Variants in VEPH1 observed in about 807,000 individuals in gnomAD.
VEPH1 encodes the protein ventricular zone expressed PH domain containing 1.
In VEPH1, 80 loss-of-function variants were observed where a neutral mutation model predicts 85.2. The ratio of observed to expected loss-of-function variants is 0.94; its 90% CI spans 0.78 to 1.13. The LOEUF (loss-of-function observed/expected upper bound fraction) is 1.13. Ranked by LOEUF, VEPH1 falls within the 50% of genes most tolerant of loss-of-function variation. The pLI is 0.00. For missense variants in VEPH1, 955 were observed against 980.5 expected (o/e 0.97, Z 0.35); for synonymous variants, 297 against 348.0 (o/e 0.85, Z 1.63).
intron 6 of VEPH1, among the ~76,000 whole-genome samples, chr3:157,388,607 A>T (rs1011069885): frequency 9.9e-5 from 15 of 151,964 alleles, no homozygotes; most frequent in Non-Finnish European, 1.9e-4. Context: ...ATGATATATC[A>T]CTCTATATGC....
chr3:157,437,950 G>T, intron 4 of VEPH1: 1 of 1,520,060 alleles, frequency 6.6e-7, no homozygotes, highest in Non-Finnish European at 8.8e-7. Context: ...CTCCCACTGC[G>T]GCTTTGTTCC....
chr3:157,498,104 G>A (rs1739817790), intron 1 of VEPH1, among the ~76,000 whole-genome samples: 1 of 152,160 alleles, frequency 6.6e-6, no homozygotes, highest in East Asian at 1.9e-4. Context: ...TGGAGGAAAT[G>A]GTATTTGAGA....
chr3:157,445,708 G>A (rs1577678444), intron 4 of VEPH1, among the ~76,000 whole-genome samples: 6 of 152,296 alleles, frequency 3.9e-5, no homozygotes, highest in Admixed American at 3.9e-4. Flanking sequence ...AGAATCTCTT[G>A]AACCCGGGAG....
At chr3:157,494,834 T>C (rs767092094) in intron 2 of VEPH1, among the ~76,000 whole-genome samples, 2 of 152,170 alleles carry the variant, frequency 1.3e-5, no homozygotes, top group Non-Finnish European at 2.9e-5. Flanking sequence ...CACACCCTGC[T>C]CTTGTTTACT....
chr3:157,322,062 C>G (rs1179781588), intron 9 of VEPH1, among the ~76,000 whole-genome samples: 1 of 152,126 alleles, frequency 6.6e-6, no homozygotes, highest in Non-Finnish European at 1.5e-5. Context: ...CTCCAGAACT[C>G]TTCCATCCTT....
intron 4 of VEPH1, among the ~76,000 whole-genome samples, chr3:157,457,728 T>C (rs1399595017): frequency 6.6e-6 from 1 of 152,248 alleles, no homozygotes; most frequent in Non-Finnish European, 1.5e-5. Flanking sequence ...TACTTGATCA[T>C]GATCGATAAG....
Position 157,501,320 on chromosome 3 carries a change from G to A in VEPH1, c.-158+1957C>T, listed in dbSNP as rs575303788. On this transcript the variant is annotated intron_variant, in intron 1 of 13. Coordinates refer to ENST00000362010, the MANE Select transcript of VEPH1 (RefSeq NM_001167912.2). ...TTGTTTCCTGGAGAGATAGTTTTAC[G>A]GTGATCCTACCCACACCAAGGTTGA... Among the ~76,000 whole-genome samples, 56 of 152,176 alleles carry A rather than the reference G, an allele frequency of 3.7e-4. 1 individual carries two copies. The highest frequency in any genetic ancestry group is 2.9e-3 in the South Asian group (14 of 4,820).
chr3:157,272,354 CTCTTTCTTTCTTTCTCTTTCTTT>C (rs1714726992), intron 12 of VEPH1, among the ~76,000 whole-genome samples: 1 of 142,178 alleles, frequency 7.0e-6, no homozygotes, highest in South Asian at 2.3e-4. Flanking sequence ...CTTTTTCTCT[CTCTTTCTTTCTTTCTCTTTCTTT>C]TCTTTCTTTC....
chr3:157,502,365 T>C (rs1413378677), intron 1 of VEPH1, among the ~76,000 whole-genome samples: 1 of 152,220 alleles, frequency 6.6e-6, no homozygotes, highest in Non-Finnish European at 1.5e-5. Context: ...GAAACACTTA[T>C]CTTCAAGTCT....
rs143068243 is a variant in VEPH1, at chr3:157,495,616, G to A, written c.-157-110C>T. On this transcript the variant is annotated intron_variant, in intron 1 of 13. Coordinates refer to ENST00000362010, the MANE Select transcript of VEPH1 (RefSeq NM_001167912.2). ...AGAGAAAAAAGAAACTTGGAAACAT[G>A]TGCCTAGACTAATAGATCCTGGCTT... 1.3e-3 allele frequency: 618 copies of A among 474,668 alleles called. 5 individuals carry two copies. Among genetic ancestry groups the A allele is most frequent in the African/African-American group, 0.011 (572 of 51,004 alleles). The allele number at this position is 474,668 out of a possible 1,614,324, so 29.4% of individuals were successfully genotyped here.
chr3:157,401,434 A>T (rs922475602), intron 6 of VEPH1, among the ~76,000 whole-genome samples: 5 of 152,210 alleles, frequency 3.3e-5, no homozygotes, highest in African/African-American at 7.2e-5. Context: ...AGATAATTAG[A>T]TGCAAGGTGC....
intron 2 of VEPH1, among the ~76,000 whole-genome samples, chr3:157,478,722 A>G (rs972413012): frequency 6.6e-6 from 1 of 152,220 alleles, no homozygotes; most frequent in Admixed American, 6.5e-5. Flanking sequence ...ATTTCTAACT[A>G]GAAAAGTTAA....
At chr3:157,362,394 T>A (rs983980202) in intron 9 of VEPH1, among the ~76,000 whole-genome samples, 1 of 152,128 alleles carries the variant, frequency 6.6e-6, no homozygotes, top group African/African-American at 2.4e-5. Flanking sequence ...GCCCCTGACA[T>A]CCTGTTTAAA....
intron 6 of VEPH1, chr3:157,409,614 T>C: frequency 1.0e-6 from 1 of 985,296 alleles, no homozygotes; most frequent in Non-Finnish European, 1.2e-6. Context: ...ATACAACTCT[T>C]CTCTGCCGAA....
chr3:157,292,628 G>A (rs1415072683), intron 11 of VEPH1, among the ~76,000 whole-genome samples: 1 of 151,702 alleles, frequency 6.6e-6, no homozygotes, highest in East Asian at 1.9e-4. Context: ...GGAGGCAGAG[G>A]TTGCAGTGAG....
At chr3:157,362,405 AT>A (rs1259503242) in intron 9 of VEPH1, among the ~76,000 whole-genome samples, 2 of 152,044 alleles carry the variant, frequency 1.3e-5, no homozygotes, top group African/African-American at 4.8e-5. Context: ...CCTGTTTAAA[AT>A]TTTTTATTTT....
intron 2 of VEPH1, among the ~76,000 whole-genome samples, chr3:157,486,701 G>T (rs796243842): frequency 6.6e-6 from 1 of 152,040 alleles, no homozygotes; most frequent in Non-Finnish European, 1.5e-5. Context: ...AATGTGAAAA[G>T]CTCTTAGAAC....
At chr3:157,321,931 A>G (rs1721396845) in intron 9 of VEPH1, among the ~76,000 whole-genome samples, 1 of 152,162 alleles carries the variant, frequency 6.6e-6, no homozygotes, top group South Asian at 2.1e-4. Context: ...TTTATGTTTT[A>G]CGTTTTATAT....
intron 9 of VEPH1, among the ~76,000 whole-genome samples, chr3:157,329,364 C>G (rs1722260406): frequency 6.6e-6 from 1 of 152,154 alleles, no homozygotes; most frequent in African/African-American, 2.4e-5. Flanking sequence ...CGAAGAACAA[C>G]TCAAGGAAAT....
Sources: gnomAD v4.1 joint callset for allele counts (sites outside exome capture counted in the v4.1 genomes callset) on GRCh38, gnomAD v4.1.1 for gene constraint, MANE v1.5 for transcripts, NCBI Gene and HGNC (gene_info 2026-07-23, HGNC 2026-07-21) for gene names.